Variants in SCFD1 observed in about 807,000 individuals in gnomAD.
SCFD1 encodes the protein sec1 family domain containing 1.
In SCFD1, 37 loss-of-function variants were observed where a neutral mutation model predicts 103.2. That is an observed-to-expected ratio of 0.36 (90% CI 0.28 to 0.47). The LOEUF (loss-of-function observed/expected upper bound fraction) is 0.47, where lower values mean the gene tolerates loss of function less well. SCFD1 is among the 20% of genes least tolerant of loss of function. The pLI is 1.00. For synonymous variants in SCFD1, 264 were observed against 245.0 expected, an observed-to-expected ratio of 1.08 and a Z score of -0.73; for missense variants, 639 against 761.2, an observed-to-expected ratio of 0.84 and a Z score of 1.89.
intron 17 of SCFD1, among the ~76,000 whole-genome samples, 189 bp downstream of exon 17, chr14:30,702,564 C>A (rs989508725): frequency 1.3e-5 from 2 of 152,042 alleles, no homozygotes; most frequent in Non-Finnish European, 2.9e-5. Flanking sequence ...AACAGTGATG[C>A]CTTTCTTTCC....
chr14:30,716,355 A>G (rs1364539642), intron 20 of SCFD1, among the ~76,000 whole-genome samples: 4 of 152,250 alleles, frequency 2.6e-5, no homozygotes, highest in Non-Finnish European at 5.9e-5. Flanking sequence ...AAATTAGGAA[A>G]GAAGTGCATA....
intron 5 of SCFD1, 119 bp downstream of exon 5, chr14:30,638,366 G>A (rs763527595): frequency 1.3e-4 from 179 of 1,381,500 alleles, no homozygotes; most frequent in Non-Finnish European, 1.7e-4. Flanking sequence ...AATTGTTTAG[G>A]CTCAATACTT....
In SCFD1 at chr14:30,694,826, T is replaced by A; in HGVS notation, c.1296T>A (p.Thr432=). The A allele has an allele frequency of 6.3e-7, 1 of 1,582,130 alleles. No homozygotes were observed. The highest frequency in any genetic ancestry group is 8.5e-7 in the Non-Finnish European group (1 of 1,170,630). The change falls in exon 15 of 25, where the codon ACT becomes ACA. Residue 432 remains threonine, a synonymous_variant. Transcript: ENST00000458591. The stretch of plus-strand genomic sequence containing the variant: ...ATGAAGAAAAAATAATGAGCAAAAC[T>A]ACTCTGGATAAATCTCTTCTAGATA... The part of the protein sequence containing the change: ...FEYEEKIMSK[T]TLDKSLLDII...
chr14:30,707,948 A>C, intron 18 of SCFD1, 42 bp from the exon 19 acceptor site: 1 of 1,318,612 alleles, frequency 7.6e-7, no homozygotes, highest in East Asian at 2.3e-5. Flanking sequence ...TTGGAGAGGC[A>C]CTTTGTACTT....
chr14:30,731,044 G>A (rs1893423036), intron 23 of SCFD1, among the ~76,000 whole-genome samples: 1 of 152,158 alleles, frequency 6.6e-6, no homozygotes, highest in Non-Finnish European at 1.5e-5. Context: ...GTAAGGAAGG[G>A]ATCCAGTTTC....
Position 30,708,360 on chromosome 14 carries a change from T to C in SCFD1, c.1629+295T>C, listed in dbSNP as rs559586878. ...TCTCCCGGCCTCCTACAGGCCCCGA[T>C]GTGTGTTGTTCCTCTCCCTGTGTCC... On this transcript the variant is annotated intron_variant, in intron 19 of 24. Transcript: ENST00000458591. Among the ~76,000 whole-genome samples, 304 of 152,212 alleles carry C rather than the reference T, an allele frequency of 2.0e-3. 1 individual carries two copies. Among genetic ancestry groups the C allele is most frequent in the African/African-American group, 7.1e-3 (294 of 41,530 alleles).
chr14:30,673,046 T>G (rs1888699200), intron 11 of SCFD1, among the ~76,000 whole-genome samples: 1 of 152,294 alleles, frequency 6.6e-6, no homozygotes, highest in South Asian at 2.1e-4. Flanking sequence ...GTATATTATA[T>G]GCATTTTAAA....
chr14:30,632,860 T>C (rs1400028327), intron 3 of SCFD1, among the ~76,000 whole-genome samples: 2 of 152,216 alleles, frequency 1.3e-5, no homozygotes, highest in African/African-American at 4.8e-5. Context: ...AGTACTTCAT[T>C]CAGGGGTAAT....
intron 14 of SCFD1, chr14:30,676,302 C>T (rs1889030198): frequency 6.6e-6 from 1 of 152,150 alleles, no homozygotes; most frequent in Admixed American, 6.5e-5. Flanking sequence ...CCTGAAGATA[C>T]TGTAGTAAAC....
chr14:30,645,257 G>A (rs548390403), intron 7 of SCFD1, among the ~76,000 whole-genome samples: 2 of 152,290 alleles, frequency 1.3e-5, no homozygotes, highest in South Asian at 2.1e-4. Context: ...ATACTTCGAA[G>A]TCAGGTTGTG....
At chr14:30,692,755 T>G (rs1379403259) in intron 14 of SCFD1, among the ~76,000 whole-genome samples, 1 of 152,190 alleles carries the variant, frequency 6.6e-6, no homozygotes, top group Non-Finnish European at 1.5e-5. Flanking sequence ...TTTTAGCACC[T>G]TTCCCCTTCC....
intron 23 of SCFD1, among the ~76,000 whole-genome samples, chr14:30,725,127 A>G: frequency 6.6e-6 from 1 of 152,128 alleles, no homozygotes; most frequent in East Asian, 1.9e-4. Context: ...TGATGCCTCC[A>G]GCTTTGTTCT....
Position 30,721,899 on chromosome 14 carries a change from T to C in SCFD1, c.1752T>C (p.Asn584=). ...TTTATTACAGCTCAGTTCCCAGAAATAAAAATCCATTCCAAGAGGTAAGTT... is the reference window on the plus strand; with the variant it reads ...TTTATTACAGCTCAGTTCCCAGAAACAAAAATCCATTCCAAGAGGTAAGTT... The part of the protein sequence containing the change: ...LRGNDSSVPR[N]KNPFQEAIVF... Residue 584 remains asparagine (N), a synonymous_variant, in exon 22 of 25, where the codon AAT becomes AAC. Transcript: ENST00000458591. The C allele has an allele frequency of 6.2e-7, 1 of 1,609,112 alleles. No individual in the cohort carries two copies. Among genetic ancestry groups the C allele is most frequent in the Non-Finnish European group, 8.5e-7 (1 of 1,176,728 alleles).
At chr14:30,636,919 A>T (rs151074) in intron 4 of SCFD1, among the ~76,000 whole-genome samples, 1 of 152,044 alleles carries the variant, frequency 6.6e-6, no homozygotes. Flanking sequence ...AAATGTATGC[A>T]TCATTCTTTG....
chr14:30,727,127 T>G (rs1367794396), intron 23 of SCFD1, among the ~76,000 whole-genome samples: 1 of 152,132 alleles, frequency 6.6e-6, no homozygotes, highest in African/African-American at 2.4e-5. Flanking sequence ...TTTACTTGGT[T>G]TCAGTACTAA....
At position 30,693,535 on chromosome 14, in the gene SCFD1, T is replaced by C. The variant is rs115631097; in HGVS notation, c.1243-1238T>C. 3.5e-3 allele frequency among the ~76,000 whole-genome samples: 538 copies of C among 152,344 alleles called. 3 individuals carry two copies. Among genetic ancestry groups the C allele is most frequent in the African/African-American group, 0.012 (514 of 41,586 alleles). ...CAAATTCACTCCTTAGTCTACTGTTTAGATGTTTCTACCTTGTGCCTTGGC... is the reference window on the plus strand; with the variant it reads ...CAAATTCACTCCTTAGTCTACTGTTCAGATGTTTCTACCTTGTGCCTTGGC... On this transcript the variant is annotated intron_variant, in intron 14 of 24. Transcript: ENST00000458591.
intron 14 of SCFD1, among the ~76,000 whole-genome samples, chr14:30,677,673 GTTTA>G (rs1889133535): frequency 6.6e-6 from 1 of 151,824 alleles, no homozygotes; most frequent in Non-Finnish European, 1.5e-5. Flanking sequence ...TAAGCGGCAT[GTTTA>G]TTTATACCAT....
At chr14:30,681,181 A>G (rs1363859829) in intron 14 of SCFD1, among the ~76,000 whole-genome samples, 1 of 149,474 alleles carries the variant, frequency 6.7e-6, no homozygotes, top group Non-Finnish European at 1.5e-5. Context: ...AGATCGTGCT[A>G]TTGCACTCCA....
chr14:30,732,380 A>C (rs906177811), intron 23 of SCFD1, among the ~76,000 whole-genome samples: 1 of 152,228 alleles, frequency 6.6e-6, no homozygotes, highest in East Asian at 1.9e-4. Context: ...CGGGCAAAGC[A>C]TCTAGTCTTT....
Sources: allele counts gnomAD v4.1 joint callset (sites outside exome capture counted in the v4.1 genomes callset), GRCh38; gene constraint gnomAD v4.1.1; transcripts MANE v1.5; gene names NCBI Gene and HGNC (gene_info 2026-07-23, HGNC 2026-07-21).